The following HOGA1 variants were observed in gnomAD, a reference collection of about 807,000 sequenced individuals.
HOGA1 encodes the protein 4-hydroxy-2-oxoglutarate aldolase 1.
HOGA1 carries 30 observed loss-of-function variants against 34.3 expected under a neutral mutation model. The ratio of observed to expected loss-of-function variants is 0.87; its 90% CI spans 0.65 to 1.19. HOGA1 has a LOEUF of 1.19. Among genes scored for constraint, HOGA1 ranks in the 50% most tolerant of loss-of-function variants. The pLI is 0.00. For missense variants in HOGA1, 417 were observed against 436.5 expected (o/e 0.96, Z 0.40); for synonymous variants, 161 against 174.0 (o/e 0.93, Z 0.59).
At chr10:97,597,695 A>C (rs2041081888) in intron 1 of HOGA1, among the ~76,000 whole-genome samples, 1 of 152,046 alleles carries the variant, frequency 6.6e-6, no homozygotes, top group Non-Finnish European at 1.5e-5. Context: ...GGGGCTCATG[A>C]CTGTAATCCC....
In HOGA1 at chr10:97,587,516, C is replaced by CTT. The variant is rs950894935; in HGVS notation, c.211+2611_211+2612dup. ...GAAAGCACTCCCTGAAACTGTGTAG[C>CTT]TTTTTTTTTTGAGACAGAGTCTTGC... On this transcript the variant is annotated intron_variant, in intron 1 of 6. Coordinates refer to ENST00000370646, the MANE Select transcript of HOGA1 (RefSeq NM_138413.4). 6.0e-5 allele frequency among the ~76,000 whole-genome samples: 9 copies of CTT among 148,876 alleles called. No individual in the cohort carries two copies. The Admixed American group carries it at 6.1e-4, about 10-fold the overall frequency.
At chr10:97,590,144 G>A (rs201569136) in intron 1 of HOGA1, 45 of 1,613,988 alleles carry the variant, frequency 2.8e-5, no homozygotes, top group Admixed American at 1.0e-4. Flanking sequence ...CACGAGGCAC[G>A]GAGAAGTGGG....
Position 97,590,670 on chromosome 10 carries a change from T to C in HOGA1, c.211+5756T>C. The stretch of plus-strand genomic sequence containing the variant: ...GTCTGTTTTCTCTCCTATGGGGCCA[T>C]CTATGCAGGCCAGGGTGAGATGCTG... On this transcript the variant is annotated intron_variant, in intron 1 of 6. Transcript: ENST00000370646. 3.5e-6 allele frequency: 4 copies of C among 1,159,326 alleles called. No individual in the cohort carries two copies. In the South Asian group the frequency reaches 5.7e-5, roughly 17 times the overall value. 71.8% of individuals were successfully genotyped at this position (1,159,326 alleles called of 1,614,324 possible). A position where few individuals can be genotyped will look rare whatever the true frequency, so the allele number is the denominator to read the frequency against.
intron 6 of HOGA1, among the ~76,000 whole-genome samples, chr10:97,607,501 G>A (rs1036378434): frequency 6.6e-6 from 1 of 152,118 alleles, no homozygotes; most frequent in Non-Finnish European, 1.5e-5. Context: ...TGCGTGTATT[G>A]TCTGTACCCA....
chr10:97,595,934 G>A (rs1564758097), intron 1 of HOGA1, among the ~76,000 whole-genome samples: 1 of 152,146 alleles, frequency 6.6e-6, no homozygotes, highest in Non-Finnish European at 1.5e-5. Flanking sequence ...CATCTAACCA[G>A]GGTGAAGGAG....
intron 5 of HOGA1, chr10:97,600,603 C>G (rs2041108630): frequency 3.9e-6 from 1 of 253,290 alleles, no homozygotes. Context: ...TCTTCAGTTG[C>G]CTGATCAGAT....
chr10:97,611,769 G>A lies in HOGA1; in HGVS notation c.*110G>A, dbSNP rs894242949. 111 of 1,328,668 alleles carry A rather than the reference G, an allele frequency of 8.4e-5. No homozygotes were observed. Among genetic ancestry groups the A allele is most frequent in the Non-Finnish European group, 1.0e-4 (100 of 962,162 alleles). The allele number at this position is 1,328,668 out of a possible 1,614,324, so 82.3% of individuals were successfully genotyped here. A position where few individuals can be genotyped will look rare whatever the true frequency, so the allele number is the denominator to read the frequency against. ...TGAGGGTGGCAGGCAGCGGGGAGCCGATAGAGGCTCCTTTGCCTGCTGTGG... is the reference window on the plus strand; with the variant it reads ...TGAGGGTGGCAGGCAGCGGGGAGCCAATAGAGGCTCCTTTGCCTGCTGTGG... On this transcript the variant is annotated 3_prime_UTR_variant, in exon 7 of 7. Coordinates refer to ENST00000370646, the MANE Select transcript of HOGA1 (RefSeq NM_138413.4).
chr10:97,608,584 C>T (rs143495996), intron 6 of HOGA1, among the ~76,000 whole-genome samples: 2,038 of 152,266 alleles, frequency 0.013, 26 homozygotes, highest in Non-Finnish European at 0.02. Context: ...GCAGGCAGAT[C>T]GCCTGAGGTC....
Position 97,600,067 on chromosome 10 carries a change from G to T in HOGA1, c.604G>T (p.Val202Leu). 1 of 1,614,036 alleles carries T rather than the reference G, an allele frequency of 6.2e-7. No homozygotes were observed. The highest frequency in any genetic ancestry group is 8.5e-7 in the Non-Finnish European group (1 of 1,179,902). Residue 202 changes from valine (V) to leucine (L), a missense_variant and splice_region_variant, in exon 5 of 7, where the codon GTG becomes TTG. Coordinates refer to ENST00000370646, the MANE Select transcript of HOGA1 (RefSeq NM_138413.4). ...IVGMKDSGGD[V>L]TRIGLIVHKT... is the part of the protein sequence containing the mutation. ...TCTCACACCACATTTGCTGTTGCAG[G>T]TGACCAGGATTGGGCTGATTGTTCA... is the stretch of plus-strand genomic sequence containing the variant.
intron 5 of HOGA1, 196 bp downstream of exon 5, chr10:97,600,359 G>T: frequency 1.6e-6 from 1 of 642,152 alleles, no homozygotes. Flanking sequence ...AACCTTGTTG[G>T]CTGAAGGAGG....
chr10:97,589,653 C>A, intron 1 of HOGA1: 2 of 401,778 alleles, frequency 5.0e-6, no homozygotes, highest in Non-Finnish European at 9.2e-6. Context: ...CTGCCTTCCT[C>A]ACAATGGGGT....
chr10:97,591,816 T>TG (rs1457019688), intron 1 of HOGA1, among the ~76,000 whole-genome samples: 6 of 130,822 alleles, frequency 4.6e-5, no homozygotes, highest in African/African-American at 9.0e-5. Context: ...TTTCTTTCAT[T>TG]TTGTGTGTGT....
Position 97,584,501 on chromosome 10 carries a change from A to G in HOGA1, c.-203A>G. The G allele has an allele frequency of 3.5e-6, 2 of 576,466 alleles. No homozygotes were observed. Among genetic ancestry groups the G allele is most frequent in the Middle Eastern group, 4.6e-4 (1 of 2,180 alleles). 35.7% of individuals were successfully genotyped at this position (576,466 alleles called of 1,614,324 possible). ...TGTGGCATCTCTCTAGCTGCTACCC[A>G]GAAGGAACAGGGCCCCCTGGGGCCT... On this transcript the variant is annotated 5_prime_UTR_variant, in exon 1 of 7. Coordinates refer to ENST00000370646, the MANE Select transcript of HOGA1 (RefSeq NM_138413.4).
chr10:97,607,748 A>T (rs2041167916), intron 6 of HOGA1, among the ~76,000 whole-genome samples: 1 of 152,182 alleles, frequency 6.6e-6, no homozygotes, highest in South Asian at 2.1e-4. Context: ...AAGAATTGGG[A>T]CAAGTACATC....
At chr10:97,605,373 T>C (rs995592633) in intron 6 of HOGA1, among the ~76,000 whole-genome samples, 1 of 150,372 alleles carries the variant, frequency 6.7e-6, no homozygotes, top group Non-Finnish European at 1.5e-5. Context: ...ATTTTGCCAC[T>C]GCACTCCAGC....
rs200009948 is a variant in HOGA1, at chr10:97,601,841, G to T, written c.701-16G>T. On this transcript the variant is annotated splice_polypyrimidine_tract_variant and intron_variant, in intron 5 of 6. Transcript: ENST00000370646. ...GGAGAGGCTCTGGCTGATGTTCTGC[G>T]TCTTACTTCGTGCAGGAGCTGTGGG... is the stretch of plus-strand genomic sequence containing the variant. 5 of 1,610,466 alleles carry T rather than the reference G, an allele frequency of 3.1e-6. No individual in the cohort carries two copies. The highest frequency in any genetic ancestry group is 4.5e-4 in the Middle Eastern group (2 of 4,470).
At chr10:97,610,801 A>G (rs1407224445) in intron 6 of HOGA1, among the ~76,000 whole-genome samples, 1 of 152,132 alleles carries the variant, frequency 6.6e-6, no homozygotes, top group Admixed American at 6.5e-5. Flanking sequence ...CTGTCTCAAA[A>G]AAATAAATAA....
chr10:97,589,934 A>G, intron 1 of HOGA1: 1 of 1,613,706 alleles, frequency 6.2e-7, no homozygotes, highest in Non-Finnish European at 8.5e-7. Flanking sequence ...AAGAAAGGAA[A>G]CCTCTGAGTG....
At chr10:97,607,471 A>G (rs2041166070) in intron 6 of HOGA1, among the ~76,000 whole-genome samples, 2 of 152,302 alleles carry the variant, frequency 1.3e-5, no homozygotes, top group African/African-American at 4.8e-5. Flanking sequence ...CTCTGGCTAG[A>G]GAGAACTGGC....
Sources: allele counts gnomAD v4.1 joint callset (sites outside exome capture counted in the v4.1 genomes callset), GRCh38; gene constraint gnomAD v4.1.1; transcripts MANE v1.5; gene names NCBI Gene and HGNC (gene_info 2026-07-23, HGNC 2026-07-21).